The following NEDD4 variants were observed in gnomAD, a reference collection of about 807,000 sequenced individuals.
NEDD4 encodes the protein E3 ubiquitin-protein ligase NEDD4.
Under a neutral mutation model 144.9 loss-of-function variants are expected in NEDD4, and 99 were observed. That is an observed-to-expected ratio of 0.68 (90% CI 0.58 to 0.81). The LOEUF (loss-of-function observed/expected upper bound fraction) is 0.81. Among genes scored for constraint, NEDD4 ranks in the 30% least tolerant of loss-of-function variants. The pLI is 0.00. For missense variants in NEDD4, 985 were observed against 1,065.9 expected (o/e 0.92, Z 1.06); for synonymous variants, 318 against 350.6 (o/e 0.91, Z 1.04).
chr15:55,830,803 G>A (rs1335255123), intron 27 of NEDD4, among the ~76,000 whole-genome samples: 1 of 152,138 alleles, frequency 6.6e-6, no homozygotes, highest in Non-Finnish European at 1.5e-5. Context: ...GGGCTCAAGT[G>A]ATCCTCTTGC....
At chr15:55,866,113 T>C (rs1399818755) in intron 8 of NEDD4, among the ~76,000 whole-genome samples, 1 of 151,896 alleles carries the variant, frequency 6.6e-6, no homozygotes, top group Non-Finnish European at 1.5e-5. Flanking sequence ...GGGGTCTCGT[T>C]ATGTTGCCCA....
intron 1 of NEDD4, among the ~76,000 whole-genome samples, chr15:55,986,685 G>A (rs1487452805): frequency 6.9e-6 from 1 of 145,858 alleles, no homozygotes; most frequent in African/African-American, 2.6e-5. Context: ...TGCCTCCCAG[G>A]TTCACGCCAT....
intron 5 of NEDD4, among the ~76,000 whole-genome samples, chr15:55,902,400 G>C (rs762944607): frequency 6.6e-6 from 1 of 152,092 alleles, no homozygotes; most frequent in African/African-American, 2.4e-5. Context: ...ATTTTGTCAC[G>C]ACTGCATGGT....
chr15:55,988,779 T>C (rs1343585362), intron 1 of NEDD4, among the ~76,000 whole-genome samples: 5 of 152,136 alleles, frequency 3.3e-5, no homozygotes, highest in Admixed American at 3.3e-4. Flanking sequence ...TGGGGCATTG[T>C]GTCTGCAGCT....
intron 24 of NEDD4, among the ~76,000 whole-genome samples, chr15:55,834,565 C>A (rs2033108602): frequency 6.6e-6 from 1 of 152,090 alleles, no homozygotes; most frequent in East Asian, 1.9e-4. Context: ...GCTGGGTGGG[C>A]AGACTGCTTG....
intron 1 of NEDD4, among the ~76,000 whole-genome samples, chr15:55,986,509 A>T (rs1046813497): frequency 4.0e-5 from 6 of 151,722 alleles, no homozygotes; most frequent in African/African-American, 1.5e-4. Flanking sequence ...GAACATGGTC[A>T]TCAAGAAACA....
At chr15:55,924,100 A>T (rs1193891887) in intron 5 of NEDD4, among the ~76,000 whole-genome samples, 1 of 152,210 alleles carries the variant, frequency 6.6e-6, no homozygotes, top group Non-Finnish European at 1.5e-5. Context: ...TAAAAAGAAC[A>T]TCAGGTTTAA....
At chr15:55,912,181 TA>T (rs2036297126) in intron 5 of NEDD4, among the ~76,000 whole-genome samples, 2 of 152,218 alleles carry the variant, frequency 1.3e-5, no homozygotes, top group South Asian at 4.1e-4. Context: ...CTGCTCAAAA[TA>T]AATTTAACCA....
intron 2 of NEDD4, among the ~76,000 whole-genome samples, chr15:55,959,346 C>G (rs1285068314): frequency 6.6e-6 from 1 of 152,186 alleles, no homozygotes; most frequent in Non-Finnish European, 1.5e-5. Flanking sequence ...TTGAATTCCA[C>G]TGTTCTCAAA....
rs756318586 is a variant in NEDD4 at position 55,860,652 on chromosome 15, T to G, written c.792+9A>C. 1.9e-6 allele frequency: 3 copies of G among 1,602,688 alleles called. No individual in the cohort carries two copies. Among genetic ancestry groups the G allele is most frequent in the Non-Finnish European group, 2.5e-6 (3 of 1,179,480 alleles). ...TGTCTTTCAAGGAGAACTAGGAAAC[T>G]ACTTATACCTCGGAAGACTCTCGGT... is the stretch of plus-strand genomic sequence containing the variant. On this transcript the variant is annotated intron_variant, in intron 10 of 28. Transcript: ENST00000435532.
chr15:55,942,460 G>A (rs2037025125), intron 4 of NEDD4, among the ~76,000 whole-genome samples: 1 of 152,168 alleles, frequency 6.6e-6, no homozygotes, highest in African/African-American at 2.4e-5. Flanking sequence ...CTGCTCTGGT[G>A]ATAGTAAGCG....
rs1261671884 is a variant in NEDD4, at chr15:55,898,733, C to T, written c.292-24725G>A. 9.4e-5 allele frequency among the ~76,000 whole-genome samples: 14 copies of T among 148,936 alleles called. No individual in the cohort carries two copies. The Admixed American group carries it at 9.5e-4, about 10-fold the overall frequency. ...TCAATGCAACTTGGACTCCTGGGCT[C>T]AAGTGATTCTCCTGCTTCAGTCCCT... On this transcript the variant is annotated intron_variant, in intron 5 of 28. Transcript: ENST00000435532.
chr15:55,952,937 C>T (rs2037269263), intron 2 of NEDD4, among the ~76,000 whole-genome samples: 1 of 151,958 alleles, frequency 6.6e-6, no homozygotes, highest in Admixed American at 6.6e-5. Flanking sequence ...ACTTATATAG[C>T]AATTACTCAG....
intron 2 of NEDD4, among the ~76,000 whole-genome samples, chr15:55,953,630 C>T (rs922939846): frequency 2.0e-5 from 3 of 151,822 alleles, no homozygotes; most frequent in Admixed American, 6.6e-5. Flanking sequence ...TTAGTAGAGA[C>T]GCGGTTTTGC....
At position 55,923,140 on chromosome 15, in the gene NEDD4, C is replaced by T. The variant is rs141825349; in HGVS notation, c.291+1506G>A. Reference sequence around the variant, plus strand: ...CAGAGGTTGCAGTGAGCTGAGACTGCGCCACTGCACTCCAGCCTAGGCAAC... The same window carrying T: ...CAGAGGTTGCAGTGAGCTGAGACTGTGCCACTGCACTCCAGCCTAGGCAAC... On this transcript the variant is annotated intron_variant, in intron 5 of 28. Coordinates refer to ENST00000435532, the MANE Select transcript of NEDD4 (RefSeq NM_006154.4). Among the ~76,000 whole-genome samples, 509 of 151,204 alleles carry T rather than the reference C, an allele frequency of 3.4e-3. 2 individuals are homozygous for T. The highest frequency in any genetic ancestry group is 4.8e-3 in the Non-Finnish European group (325 of 67,770).
intron 12 of NEDD4, among the ~76,000 whole-genome samples, chr15:55,854,518 G>A (rs1384086352): frequency 6.6e-6 from 1 of 152,122 alleles, no homozygotes; most frequent in Non-Finnish European, 1.5e-5. Flanking sequence ...GGTCAGACAC[G>A]TAAGCCCACA....
chr15:55,985,760 TACACACAC>T (rs3049246), intron 1 of NEDD4, among the ~76,000 whole-genome samples: 14 of 148,436 alleles, frequency 9.4e-5, no homozygotes, highest in South Asian at 2.2e-4. Context: ...AGAGTACACA[TACACACAC>T]ACACACACAC....
intron 4 of NEDD4, among the ~76,000 whole-genome samples, chr15:55,925,539 T>C (rs1371662314): frequency 6.6e-6 from 1 of 152,246 alleles, no homozygotes; most frequent in Non-Finnish European, 1.5e-5. Context: ...GAATAAAAAT[T>C]ACAAGCAATA....
At chr15:55,969,900 AT>A (rs1336116506) in intron 1 of NEDD4, among the ~76,000 whole-genome samples, 1 of 150,184 alleles carries the variant, frequency 6.7e-6, no homozygotes, top group African/African-American at 2.5e-5. Context: ...AAAAAAAAAA[AT>A]TGTCTGCAAC....
Sources: allele counts gnomAD v4.1 joint callset (sites outside exome capture counted in the v4.1 genomes callset), GRCh38; gene constraint gnomAD v4.1.1; transcripts MANE v1.5; gene names NCBI Gene and HGNC (gene_info 2026-07-23, HGNC 2026-07-21).